TMEM132B: variants seen among roughly 807,000 people sequenced by gnomAD.
TMEM132B encodes transmembrane protein 132B.
A neutral mutation model predicts 90.8 loss-of-function variants in TMEM132B; 18 were observed. The ratio of observed to expected loss-of-function variants is 0.20; its 90% CI spans 0.14 to 0.29. The LOEUF (loss-of-function observed/expected upper bound fraction) is 0.29, where lower values mean the gene tolerates loss of function less well. TMEM132B is among the 10% of genes least tolerant of loss of function. The probability of loss-of-function intolerance (pLI) is 1.00; values close to 1 mark genes in which losing one functional copy is unlikely to be tolerated. For missense variants in TMEM132B, 1,096 were observed against 1,326.8 expected (o/e 0.83, Z 2.70); for synonymous variants, 504 against 523.3 (o/e 0.96, Z 0.50).
At chr12:125,599,004 T>A (rs1315694700) in intron 5 of TMEM132B, among the ~76,000 whole-genome samples, 1 of 152,198 alleles carries the variant, frequency 6.6e-6, no homozygotes, top group Admixed American at 6.5e-5. Context: ...ACAGTCATAA[T>A]CAGCTTCAAG....
chr12:125,299,842 TC>T (rs1255621393), intron 1 of TMEM132B, among the ~76,000 whole-genome samples: 1 of 152,198 alleles, frequency 6.6e-6, no homozygotes, highest in Non-Finnish European at 1.5e-5. Flanking sequence ...CCGGCCTGCG[TC>T]CCCCACTTGC....
At chr12:125,608,071 G>A (rs1289570625) in intron 5 of TMEM132B, among the ~76,000 whole-genome samples, 1 of 152,088 alleles carries the variant, frequency 6.6e-6, no homozygotes, top group East Asian at 1.9e-4. Context: ...GTTTTTGTGT[G>A]GGCATATGCT....
chr12:125,447,542 C>A (rs1300098627), intron 3 of TMEM132B, among the ~76,000 whole-genome samples: 1 of 152,082 alleles, frequency 6.6e-6, no homozygotes, highest in Non-Finnish European at 1.5e-5. Context: ...AATGATAAGA[C>A]ATAAGTATTA....
In TMEM132B at chr12:125,599,204, G is replaced by A. The variant is rs138436151; in HGVS notation, c.1437+15210G>A. ...ATACTGAATAAGTCTCACGAGATCT[G>A]ATTGTTTTATAAAGGGCAGTTCCCC... On this transcript the variant is annotated intron_variant, in intron 5 of 8. Coordinates refer to ENST00000682704, the MANE Select transcript of TMEM132B (RefSeq NM_001366854.1). 2.3e-3 allele frequency among the ~76,000 whole-genome samples: 351 copies of A among 152,256 alleles called. 2 individuals carry two copies. Among genetic ancestry groups the A allele is most frequent in the African/African-American group, 8.0e-3 (332 of 41,564 alleles).
chr12:125,629,530 GTT>G (rs200843882), intron 5 of TMEM132B, among the ~76,000 whole-genome samples: 3 of 152,006 alleles, frequency 2.0e-5, no homozygotes. Flanking sequence ...AGTTCTAATA[GTT>G]TTTTGGTGGA....
intron 1 of TMEM132B, among the ~76,000 whole-genome samples, chr12:125,196,312 G>A (rs1323712756): frequency 1.3e-5 from 2 of 152,212 alleles, no homozygotes; most frequent in Non-Finnish European, 2.9e-5. Context: ...CAGAACAACA[G>A]AACTTCATCC....
At chr12:125,494,575 T>C (rs1592954435) in intron 3 of TMEM132B, among the ~76,000 whole-genome samples, 2 of 89,560 alleles carry the variant, frequency 2.2e-5, no homozygotes, top group Non-Finnish European at 2.2e-5. Context: ...AAGAAATGGA[T>C]GCGTCCCTCC....
intron 3 of TMEM132B, among the ~76,000 whole-genome samples, chr12:125,441,598 A>C (rs1003443482): frequency 1.3e-5 from 2 of 152,172 alleles, no homozygotes; most frequent in Non-Finnish European, 2.9e-5. Flanking sequence ...CCAGGCCCTT[A>C]GGTCCCTCCC....
intron 3 of TMEM132B, among the ~76,000 whole-genome samples, chr12:125,450,039 T>G (rs1016181688): frequency 6.6e-6 from 1 of 152,214 alleles, no homozygotes; most frequent in South Asian, 2.1e-4. Flanking sequence ...TGGGTATGCA[T>G]GTATGTTTAA....
chr12:125,234,413 C>A (rs1443460116), intron 1 of TMEM132B, among the ~76,000 whole-genome samples: 2 of 152,134 alleles, frequency 1.3e-5, no homozygotes, highest in Admixed American at 6.5e-5. Context: ...CATCACCTCC[C>A]GCTGAAACCA....
chr12:125,344,906 T>A (rs1327077288), intron 1 of TMEM132B, among the ~76,000 whole-genome samples: 1 of 152,062 alleles, frequency 6.6e-6, no homozygotes, highest in Non-Finnish European at 1.5e-5. Context: ...GCATGGAAGA[T>A]TTTCTAGTCC....
chr12:125,515,538 C>T lies in TMEM132B; in HGVS notation c.1107-3901C>T, dbSNP rs114315846. ...TCACACCCCTTCACACATTCTCACGCTCACACACATTCATTCAGTCTGTCT... is the reference window on the plus strand; with the variant it reads ...TCACACCCCTTCACACATTCTCACGTTCACACACATTCATTCAGTCTGTCT... On this transcript the variant is annotated intron_variant, in intron 3 of 8. Transcript: ENST00000682704. Among the ~76,000 whole-genome samples, 1,014 of 151,902 alleles carry T rather than the reference C, an allele frequency of 6.7e-3. 15 individuals carry two copies. The highest frequency in any genetic ancestry group is 0.024 in the African/African-American group (975 of 41,416).
At chr12:125,442,788 G>C (rs1360564337) in intron 3 of TMEM132B, among the ~76,000 whole-genome samples, 2 of 152,170 alleles carry the variant, frequency 1.3e-5, no homozygotes, top group Non-Finnish European at 2.9e-5. Flanking sequence ...AAGTGGAGTT[G>C]AGTTTCAGGC....
chr12:125,515,664 T>G (rs1245940140), intron 3 of TMEM132B, among the ~76,000 whole-genome samples: 2 of 148,384 alleles, frequency 1.3e-5, no homozygotes, highest in African/African-American at 5.0e-5. Flanking sequence ...CCTTCACACA[T>G]TCTTTCTCAC....
chr12:125,611,072 A>G (rs1426758853), intron 5 of TMEM132B, among the ~76,000 whole-genome samples: 1 of 151,952 alleles, frequency 6.6e-6, no homozygotes, highest in African/African-American at 2.4e-5. Flanking sequence ...TAATCTGTTT[A>G]CTTGTCATAG....
chr12:125,289,245 A>G (rs140546355), intron 1 of TMEM132B, among the ~76,000 whole-genome samples: 1 of 152,342 alleles, frequency 6.6e-6, no homozygotes, highest in East Asian at 1.9e-4. Flanking sequence ...ACTCACACAA[A>G]CACTGAACAA....
intron 3 of TMEM132B, among the ~76,000 whole-genome samples, chr12:125,431,000 A>G (rs888563586): frequency 2.6e-5 from 4 of 152,024 alleles, no homozygotes; most frequent in Non-Finnish European, 5.9e-5. Flanking sequence ...CGGCCCCAGT[A>G]TGGTCAGGGG....
At chr12:125,217,126 A>G (rs1174787727) in intron 1 of TMEM132B, among the ~76,000 whole-genome samples, 1 of 152,240 alleles carries the variant, frequency 6.6e-6, no homozygotes, top group Non-Finnish European at 1.5e-5. Context: ...TGTTAGCTCA[A>G]TTAAAAGTTA....
At position 125,655,268 on chromosome 12, in the gene TMEM132B, C is replaced by T. The variant is rs530657207; in HGVS notation, c.*558C>T. On this transcript the variant is annotated 3_prime_UTR_variant, in exon 9 of 9. Coordinates refer to ENST00000682704, the MANE Select transcript of TMEM132B (RefSeq NM_001366854.1). ...GAAGAGAAGAAATTTCAGTCTTTTC[C>T]TTGAGCTCTGTTTGATTTACACATG... 6.6e-6 allele frequency: 1 copy of T among 152,508 alleles called. No individual in the cohort carries two copies. The highest frequency in any genetic ancestry group is 2.1e-4 in the South Asian group (1 of 4,830). 9.4% of individuals were successfully genotyped at this position (152,508 alleles called of 1,614,324 possible).
Sources: allele counts gnomAD v4.1 joint callset (sites outside exome capture counted in the v4.1 genomes callset), GRCh38; gene constraint gnomAD v4.1.1; transcripts MANE v1.5; gene names NCBI Gene and HGNC (gene_info 2026-07-23, HGNC 2026-07-21).